Variants in PTPRD observed in about 807,000 individuals in gnomAD.
The protein encoded by PTPRD is protein tyrosine phosphatase receptor type D.
In PTPRD, 34 loss-of-function variants were observed where a neutral mutation model predicts 214.5. The observed-to-expected ratio is 0.16, with a 90% CI of 0.12 to 0.21. PTPRD has a LOEUF of 0.21. PTPRD is among the 10% of genes least tolerant of loss of function. The pLI is 1.00. For synonymous variants in PTPRD, 1,128 were observed against 845.7 expected (o/e 1.33, Z -5.79); for missense variants, 2,545 against 2,398.7 (o/e 1.06, Z -1.27).
At chr9:9,775,954 CAAAA>C (rs59412193) in intron 5 of PTPRD, among the ~76,000 whole-genome samples, 11 of 28,922 alleles carry the variant, frequency 3.8e-4, no homozygotes, top group African/African-American at 1.4e-3. Context: ...GACTCTGTCT[CAAAA>C]AAAAAAAAAA....
intron 11 of PTPRD, among the ~76,000 whole-genome samples, chr9:8,910,765 G>T (rs577870705): frequency 6.6e-6 from 1 of 152,112 alleles, no homozygotes; most frequent in Non-Finnish European, 1.5e-5. Flanking sequence ...TCAAGATTAC[G>T]TAATATAAAA....
At chr9:8,738,753 G>T (rs535432542) in intron 11 of PTPRD, among the ~76,000 whole-genome samples, 116 of 148,754 alleles carry the variant, frequency 7.8e-4, no homozygotes, top group African/African-American at 2.7e-3. Flanking sequence ...GAACAGAAAA[G>T]GAAAGAATTA....
intron 14 of PTPRD, among the ~76,000 whole-genome samples, chr9:8,549,635 G>A (rs984906825): frequency 1.3e-5 from 2 of 152,106 alleles, no homozygotes; most frequent in African/African-American, 2.4e-5. Flanking sequence ...CTTGTGAGGA[G>A]GGGCATATGA....
At chr9:9,540,846 T>C (rs1442233359) in intron 8 of PTPRD, among the ~76,000 whole-genome samples, 4 of 151,726 alleles carry the variant, frequency 2.6e-5, no homozygotes, top group African/African-American at 4.8e-5. Context: ...GAAATATAAG[T>C]AGTGACATTG....
intron 9 of PTPRD, among the ~76,000 whole-genome samples, chr9:9,283,640 A>G (rs1948483768): frequency 6.6e-6 from 1 of 151,536 alleles, no homozygotes; most frequent in Non-Finnish European, 1.5e-5. Flanking sequence ...TGGTTCAATT[A>G]AGTGAACTGC....
At chr9:8,888,515 C>A (rs1315720149) in intron 11 of PTPRD, among the ~76,000 whole-genome samples, 1 of 152,162 alleles carries the variant, frequency 6.6e-6, no homozygotes, top group Non-Finnish European at 1.5e-5. Context: ...AAAAAGATGA[C>A]AAACATTGTC....
chr9:10,499,803 A>G (rs373028903), intron 2 of PTPRD, among the ~76,000 whole-genome samples: 2 of 151,862 alleles, frequency 1.3e-5, no homozygotes. Context: ...AAACTTTTTC[A>G]TAATATTTAT....
intron 9 of PTPRD, among the ~76,000 whole-genome samples, chr9:9,258,073 T>A (rs555022425): frequency 1.4e-5 from 2 of 143,008 alleles, no homozygotes; most frequent in East Asian, 4.1e-4. Context: ...TGAAAAAAGC[T>A]AATAAATGAA....
chr9:10,376,097 T>C (rs893514453), intron 2 of PTPRD, among the ~76,000 whole-genome samples: 1 of 151,994 alleles, frequency 6.6e-6, no homozygotes. Context: ...GTGTTGTTCA[T>C]CTCATATTTA....
intron 12 of PTPRD, among the ~76,000 whole-genome samples, chr9:8,707,593 G>A (rs2098236799): frequency 6.6e-6 from 1 of 152,190 alleles, no homozygotes; most frequent in African/African-American, 2.4e-5. Context: ...GGCAGTTAGG[G>A]AGGTGAGTAG....
chr9:8,820,366 G>A (rs913468747), intron 11 of PTPRD, among the ~76,000 whole-genome samples: 2 of 151,980 alleles, frequency 1.3e-5, no homozygotes, highest in African/African-American at 4.8e-5. Flanking sequence ...TTTAATATGA[G>A]GAAGAGAGTC....
intron 31 of PTPRD, among the ~76,000 whole-genome samples, chr9:8,468,913 G>C (rs961865106): frequency 2.0e-4 from 31 of 151,716 alleles, no homozygotes; most frequent in African/African-American, 7.3e-4. Flanking sequence ...AAGATGTACT[G>C]GAGGTAATTC....
chr9:9,833,176 G>A (rs56042949), intron 5 of PTPRD, among the ~76,000 whole-genome samples: 10,650 of 151,956 alleles, frequency 0.07, 1,229 homozygotes, highest in African/African-American at 0.24. Flanking sequence ...TCTATCAGGG[G>A]ACCTGCCCCG....
intron 10 of PTPRD, among the ~76,000 whole-genome samples, chr9:9,108,103 C>T (rs2099801183): frequency 6.6e-6 from 1 of 152,108 alleles, no homozygotes; most frequent in Non-Finnish European, 1.5e-5. Flanking sequence ...ACCCTTAGGG[C>T]TCATATCACG....
intron 39 of PTPRD, among the ~76,000 whole-genome samples, chr9:8,363,318 TATAAGCTCTGCTTCAGTG>T (rs1404774089): frequency 6.6e-6 from 1 of 152,182 alleles, no homozygotes; most frequent in East Asian, 1.9e-4. Flanking sequence ...CAAATCTCAA[TATAAGCTCTGCTTCAGTG>T]ACAAGGAGGA....
intron 11 of PTPRD, among the ~76,000 whole-genome samples, chr9:8,966,839 A>T (rs185372988): frequency 4.7e-4 from 72 of 152,272 alleles, no homozygotes; most frequent in African/African-American, 1.7e-3. Flanking sequence ...AGGGGAAAAA[A>T]TATTCACAAA....
chr9:8,536,245 A>C (rs1418862295), intron 14 of PTPRD, among the ~76,000 whole-genome samples: 1 of 151,916 alleles, frequency 6.6e-6, no homozygotes, highest in Non-Finnish European at 1.5e-5. Flanking sequence ...GAAACTCTTA[A>C]TCACAGTCAA....
chr9:8,449,609 G>C (rs2095859075), intron 34 of PTPRD, 116 bp downstream of exon 34: 7 of 941,752 alleles, frequency 7.4e-6, no homozygotes, highest in South Asian at 4.6e-5. Flanking sequence ...TAAAATAAAA[G>C]AGCAGGATGA....
intron 3 of PTPRD, among the ~76,000 whole-genome samples, chr9:10,087,757 G>T (rs1320922843): frequency 1.3e-5 from 2 of 151,608 alleles, no homozygotes; most frequent in Non-Finnish European, 3.0e-5. Flanking sequence ...CAATTATTAT[G>T]GGAAGCACTT....
Sources: allele counts gnomAD v4.1 joint callset (sites outside exome capture counted in the v4.1 genomes callset), GRCh38; gene constraint gnomAD v4.1.1; transcripts MANE v1.5; gene names NCBI Gene and HGNC (gene_info 2026-07-23, HGNC 2026-07-21).